Variants in RASGRF2 observed in about 807,000 individuals in gnomAD.
The protein encoded by RASGRF2 is ras-specific guanine nucleotide-releasing factor 2.
In RASGRF2, 76 loss-of-function variants were observed where a neutral mutation model predicts 151.0. The ratio of observed to expected loss-of-function variants is 0.50; its 90% CI spans 0.42 to 0.61. The LOEUF is 0.61. Ranked by LOEUF, RASGRF2 falls within the 20% of genes least tolerant of loss-of-function variation. The pLI is 0.00. For missense variants in RASGRF2, 1,148 were observed against 1,564.6 expected (o/e 0.73, Z 4.49); for synonymous variants, 504 against 566.5 (o/e 0.89, Z 1.57).
chr5:81,191,766 C>T (rs1331707576), intron 18 of RASGRF2, among the ~76,000 whole-genome samples: 3 of 151,990 alleles, frequency 2.0e-5, no homozygotes, highest in East Asian at 3.9e-4. Context: ...GATCTGATTC[C>T]GGGGTTGTGG....
intron 2 of RASGRF2, among the ~76,000 whole-genome samples, chr5:81,060,800 A>C (rs767960216): frequency 6.6e-6 from 1 of 152,226 alleles, no homozygotes; most frequent in Non-Finnish European, 1.5e-5. Context: ...TATTACAGAA[A>C]TATTGGAAAG....
chr5:81,014,491 G>A (rs543980745), intron 1 of RASGRF2, among the ~76,000 whole-genome samples: 30 of 152,230 alleles, frequency 2.0e-4, no homozygotes, highest in Admixed American at 1.4e-3. Flanking sequence ...GAACAGCACA[G>A]GAAAGACTTG....
At chr5:80,998,223 C>T (rs1322199404) in intron 1 of RASGRF2, among the ~76,000 whole-genome samples, 1 of 152,136 alleles carries the variant, frequency 6.6e-6, no homozygotes, top group Non-Finnish European at 1.5e-5. Context: ...TGGTTACCAT[C>T]TTCCCAATTT....
intron 17 of RASGRF2, among the ~76,000 whole-genome samples, chr5:81,149,795 G>T (rs566747969): frequency 1.3e-5 from 2 of 152,102 alleles, no homozygotes; most frequent in Non-Finnish European, 2.9e-5. Context: ...CCCATTTAAA[G>T]TATCTAATTC....
chr5:81,211,065 G>A (rs181487650), intron 22 of RASGRF2, among the ~76,000 whole-genome samples: 1 of 150,496 alleles, frequency 6.6e-6, no homozygotes, highest in Non-Finnish European at 1.5e-5. Context: ...GATCGCTTGA[G>A]CCCTGGACAT....
rs143121894 is a variant in RASGRF2, at chr5:81,075,810, G to A, written c.887+2358G>A. On this transcript the variant is annotated intron_variant, in intron 5 of 26. Coordinates refer to ENST00000265080, the MANE Select transcript of RASGRF2 (RefSeq NM_006909.3). ...GGAGTTCAGAGGAAGATTCTGGGCCGAAGATAGAAATTTGGGAGTCCTCTA... is the reference window on the plus strand; with the variant it reads ...GGAGTTCAGAGGAAGATTCTGGGCCAAAGATAGAAATTTGGGAGTCCTCTA... Among the ~76,000 whole-genome samples, 22 of 152,288 alleles carry A rather than the reference G, an allele frequency of 1.4e-4. No individual in the cohort carries two copies. In the East Asian group the frequency reaches 3.9e-3, roughly 27 times the overall value.
At chr5:81,199,575 AGTGATT>A (rs1448676635) in intron 18 of RASGRF2, among the ~76,000 whole-genome samples, 5 of 152,176 alleles carry the variant, frequency 3.3e-5, no homozygotes, top group Non-Finnish European at 5.9e-5. Context: ...TGCCTGAATC[AGTGATT>A]ACTGCTTTGG....
At chr5:81,190,350 G>GC (rs777142197) in intron 18 of RASGRF2, among the ~76,000 whole-genome samples, 1 of 152,236 alleles carries the variant, frequency 6.6e-6, no homozygotes, top group Non-Finnish European at 1.5e-5. Flanking sequence ...GATGCCTTAG[G>GC]CGTCACATTT....
intron 1 of RASGRF2, 102 bp downstream of exon 1, chr5:80,961,128 G>T: frequency 7.8e-7 from 1 of 1,285,334 alleles, no homozygotes; most frequent in Non-Finnish European, 1.0e-6. Flanking sequence ...AAGAGTGCGG[G>T]GACTATGCTC....
intron 12 of RASGRF2, among the ~76,000 whole-genome samples, chr5:81,096,917 G>A (rs942395187): frequency 6.6e-6 from 1 of 151,958 alleles, no homozygotes; most frequent in South Asian, 2.1e-4. Flanking sequence ...GTGGAAGGAG[G>A]CTAACCAAAA....
intron 1 of RASGRF2, among the ~76,000 whole-genome samples, chr5:80,969,351 G>A (rs1362635812): frequency 6.6e-6 from 1 of 150,534 alleles, no homozygotes; most frequent in African/African-American, 2.5e-5. Context: ...GGTCAGGCTG[G>A]TCTCGAACTC....
Position 81,229,479 on chromosome 5 carries a change from AATT to A in RASGRF2, c.*3711_*3713del, listed in dbSNP as rs1375634356. On this transcript the variant is annotated 3_prime_UTR_variant, in exon 27 of 27. Coordinates refer to ENST00000265080, the MANE Select transcript of RASGRF2 (RefSeq NM_006909.3). ...TTCTCAGCGGCCATTGGTGACTTAA[AATT>A]AAGATGAGGCAGAGCCAAAATGGAA... is the stretch of plus-strand genomic sequence containing the variant. 1 of 152,244 alleles carries A rather than the reference AATT, an allele frequency of 6.6e-6. No homozygotes were observed. The highest frequency in any genetic ancestry group is 1.5e-5 in the Non-Finnish European group (1 of 68,048). The allele number at this position is 152,244 out of a possible 1,614,324, so 9.4% of individuals were successfully genotyped here.
chr5:81,094,551 T>C (rs1752489294), intron 11 of RASGRF2, among the ~76,000 whole-genome samples, 189 bp downstream of exon 11: 1 of 152,156 alleles, frequency 6.6e-6, no homozygotes, highest in Non-Finnish European at 1.5e-5. Context: ...CAGTGGCAGA[T>C]AGAGAAGAAG....
At chr5:81,035,480 G>C (rs552505516) in intron 1 of RASGRF2, among the ~76,000 whole-genome samples, 150 of 152,166 alleles carry the variant, frequency 9.9e-4, no homozygotes, top group Admixed American at 1.8e-3. Flanking sequence ...GGCGAGTGGG[G>C]AGGGATAGCA....
intron 1 of RASGRF2, among the ~76,000 whole-genome samples, chr5:80,993,572 G>A (rs1337885294): frequency 6.6e-6 from 1 of 152,184 alleles, no homozygotes; most frequent in African/African-American, 2.4e-5. Context: ...GGCAATTGAG[G>A]CACATTCAAT....
intron 17 of RASGRF2, among the ~76,000 whole-genome samples, chr5:81,144,862 G>T (rs115882518): frequency 1.3e-5 from 2 of 152,062 alleles, no homozygotes; most frequent in Non-Finnish European, 2.9e-5. Flanking sequence ...CCTGTCATCT[G>T]GCTCTTCTAA....
At chr5:81,031,978 A>T (rs1750270255) in intron 1 of RASGRF2, among the ~76,000 whole-genome samples, 1 of 152,196 alleles carries the variant, frequency 6.6e-6, no homozygotes. Context: ...ATCACCACCG[A>T]TCCCACAGAA....
intron 1 of RASGRF2, among the ~76,000 whole-genome samples, chr5:80,989,042 A>G (rs1301786020): frequency 2.0e-5 from 3 of 151,886 alleles, no homozygotes; most frequent in Non-Finnish European, 4.4e-5. Flanking sequence ...CAGTGGTGCA[A>G]TCTTGGCTCA....
intron 2 of RASGRF2, among the ~76,000 whole-genome samples, chr5:81,062,600 A>G (rs1195463212): frequency 1.3e-5 from 2 of 152,228 alleles, no homozygotes; most frequent in Non-Finnish European, 2.9e-5. Context: ...TCTGAAAATT[A>G]AAAACCAACA....
Sources: gnomAD v4.1 joint callset for allele counts (sites outside exome capture counted in the v4.1 genomes callset) on GRCh38, gnomAD v4.1.1 for gene constraint, MANE v1.5 for transcripts, NCBI Gene and HGNC (gene_info 2026-07-23, HGNC 2026-07-21) for gene names.